The following AGRN variants were observed in gnomAD, a reference collection of about 807,000 sequenced individuals.
AGRN encodes agrin proteoglycan.
In AGRN, 106 loss-of-function variants were observed where a neutral mutation model predicts 211.0. The observed-to-expected ratio is 0.50, with a 90% CI of 0.43 to 0.59. The LOEUF (loss-of-function observed/expected upper bound fraction) is 0.59. AGRN is among the 20% of genes least tolerant of loss of function. AGRN has a pLI of 0.00. For missense variants in AGRN, 3,040 were observed against 2,982.6 expected, an observed-to-expected ratio of 1.02 and a Z score of -0.45; for synonymous variants, 1,525 against 1,332.5, an observed-to-expected ratio of 1.14 and a Z score of -3.15.
rs1645063506 is a variant in AGRN at position 1,045,434 on chromosome 1, C to T, written c.2447C>T (p.Pro816Leu). The stretch of plus-strand genomic sequence containing the variant: ...GCCACAGGCCAGTGCTCCTGCCGCC[C>T]AGGTGTGGGGGGCCTCAGGTGTGAC... Reference protein sequence around the residue: ...DPATGQCSCRPGVGGLRCDRC... With the variant: ...DPATGQCSCRLGVGGLRCDRC... Residue 816 changes from proline to leucine, a missense_variant, in exon 14 of 36, where the codon CCA becomes CTA. Coordinates refer to ENST00000379370, the MANE Select transcript of AGRN (RefSeq NM_198576.4). 1.2e-6 allele frequency: 2 copies of T among 1,612,438 alleles called. No homozygotes were observed. The highest frequency in any genetic ancestry group is 1.7e-6 in the Non-Finnish European group (2 of 1,179,768).
At chr1:1,030,410 G>C (rs1644637891) in intron 2 of AGRN, among the ~76,000 whole-genome samples, 1 of 101,436 alleles carries the variant, frequency 9.9e-6, no homozygotes, top group Non-Finnish European at 2.0e-5. Flanking sequence ...ATGGTGCTGT[G>C]AGATCAGCGT....
At chr1:1,051,157 G>C in intron 30 of AGRN, 96 bp from the exon 31 acceptor site, 2 of 783,858 alleles carry the variant, frequency 2.6e-6, no homozygotes, top group Non-Finnish European at 4.2e-6. Flanking sequence ...CCCTAGATAG[G>C]CAATGGGCGG....
intron 2 of AGRN, among the ~76,000 whole-genome samples, chr1:1,024,106 T>G: frequency 6.7e-6 from 1 of 149,936 alleles, no homozygotes; most frequent in Non-Finnish European, 1.5e-5. Context: ...GCATGAGGAG[T>G]GGGGGAGCCC....
rs1645084017 is a variant in AGRN at position 1,046,098 on chromosome 1, G to A, written c.2805+10G>A. On this transcript the variant is annotated intron_variant, in intron 16 of 35. Coordinates refer to ENST00000379370, the MANE Select transcript of AGRN (RefSeq NM_198576.4). Reference sequence around the variant, plus strand: ...GGCCAACGCTACCAAGGTGAGGGGTGTGGGATGTGAAGGGGAGTGGGGAGG... The same window carrying A: ...GGCCAACGCTACCAAGGTGAGGGGTATGGGATGTGAAGGGGAGTGGGGAGG... 2 of 1,614,028 alleles carry A rather than the reference G, an allele frequency of 1.2e-6. No individual in the cohort carries two copies. Among genetic ancestry groups the A allele is most frequent in the South Asian group, 1.1e-5 (1 of 91,092 alleles).
Position 1,045,477 on chromosome 1 carries a change from C to T in AGRN, c.2490C>T (p.Phe830=), listed in dbSNP as rs1460705544. The T allele has an allele frequency of 6.2e-7, 1 of 1,612,960 alleles. No individual in the cohort carries two copies. Among genetic ancestry groups the T allele is most frequent in the Non-Finnish European group, 8.5e-7 (1 of 1,179,966 alleles). ...GGTGTGACCGCTGTGAGCCTGGCTTCTGGAACTTTCGAGGCATCGTCACCG... is the reference window on the plus strand; with the variant it reads ...GGTGTGACCGCTGTGAGCCTGGCTTTTGGAACTTTCGAGGCATCGTCACCG... ...GLRCDRCEPG[F]WNFRGIVTDG... is the part of the protein sequence containing the mutation. The change falls in exon 14 of 36, where the codon TTC becomes TTT. Residue 830 remains phenylalanine, a synonymous_variant. Transcript: ENST00000379370.
intron 33 of AGRN, chr1:1,052,513 C>CGG: frequency 5.1e-6 from 1 of 194,290 alleles, no homozygotes; most frequent in African/African-American, 2.7e-5. Context: ...AGGTATGTGT[C>CGG]CGTGTGTGTG....
intron 2 of AGRN, chr1:1,034,119 C>G: frequency 1.0e-6 from 1 of 985,290 alleles, no homozygotes; most frequent in Non-Finnish European, 1.2e-6. Flanking sequence ...CCGCTCCTAT[C>G]GCCGCTTCCG....
chr1:1,053,376 C>G (rs1186752233), intron 33 of AGRN: 1 of 1,202,756 alleles, frequency 8.3e-7, no homozygotes, highest in Non-Finnish European at 1.1e-6. Context: ...GGTGCCTGCT[C>G]CTTGCACCCC....
intron 2 of AGRN, 41 bp downstream of exon 2, chr1:1,022,503 G>A (rs1644429085): frequency 6.3e-7 from 1 of 1,580,312 alleles, no homozygotes; most frequent in Admixed American, 1.7e-5. Context: ...GTGGGGGTCA[G>A]GGCAGTGGCC....
rs1645027428 is a variant in AGRN at position 1,044,192 on chromosome 1, G to A, written c.2083G>A (p.Asp695Asn). Residue 695 changes from aspartate (D) to asparagine (N), a missense_variant, in exon 11 of 36, where the codon GAC (aspartate) becomes AAC (asparagine). Coordinates refer to ENST00000379370, the MANE Select transcript of AGRN (RefSeq NM_198576.4). ...GTGCCGGCAGCGCGGTGGCATCTGG[G>A]ACGAGGACTCGGAGGACGGGCCGTG... is the stretch of plus-strand genomic sequence containing the variant. Reference protein sequence around the residue: ...ELCRQRGGIWDEDSEDGPCVC... With the variant: ...ELCRQRGGIWNEDSEDGPCVC... The A allele has an allele frequency of 6.2e-7, 1 of 1,613,220 alleles. No homozygotes were observed. Among genetic ancestry groups the A allele is most frequent in the Non-Finnish European group, 8.5e-7 (1 of 1,179,914 alleles).
chr1:1,051,934 C>T (rs1452368198), intron 33 of AGRN, 119 bp downstream of exon 33: 37 of 1,549,034 alleles, frequency 2.4e-5, no homozygotes, highest in African/African-American at 8.2e-5. Flanking sequence ...TCTGTCCTCC[C>T]GCCTCTCTCT....
At chr1:1,033,255 T>C (rs1043389706) in intron 2 of AGRN, among the ~76,000 whole-genome samples, 4 of 151,850 alleles carry the variant, frequency 2.6e-5, no homozygotes, top group African/African-American at 9.7e-5. Context: ...GCGAGGCGAT[T>C]TCTGGGCCGC....
chr1:1,051,807 G>T lies in AGRN; in HGVS notation c.5643G>T (p.Val1881=). The T allele has an allele frequency of 1.2e-6, 2 of 1,613,664 alleles. No homozygotes were observed. Among genetic ancestry groups the T allele is most frequent in the South Asian group, 2.2e-5 (2 of 91,068 alleles). ...CCTTTGTCGAGTACCTCAACGCTGT[G>T]ACCGAGAGGTAACGTGCCATCCTCT... is the stretch of plus-strand genomic sequence containing the variant. The part of the protein sequence containing the change: ...GRTFVEYLNA[V]TESEKALQSN... The change falls in exon 33 of 36, where the codon GTG becomes GTT. Residue 1881 remains valine (V), a synonymous_variant. Coordinates refer to ENST00000379370, the MANE Select transcript of AGRN (RefSeq NM_198576.4).
chr1:1,040,688 T>C lies in AGRN; in HGVS notation c.535T>C (p.Phe179Leu), dbSNP rs755778734. 9.0e-6 allele frequency: 14 copies of C among 1,547,476 alleles called. No homozygotes were observed. In the South Asian group the frequency reaches 1.4e-4, roughly 16 times the overall value. ...AGCGTGCCGGGGAATGCTGTGCGGCTTCGGCGCCGTGTGCGAGCCCAACGC... is the reference window on the plus strand; with the variant it reads ...AGCGTGCCGGGGAATGCTGTGCGGCCTCGGCGCCGTGTGCGAGCCCAACGC... ...PDACRGMLCG[F>L]GAVCEPNAEG... Residue 179 changes from phenylalanine to leucine, a missense_variant, in exon 4 of 36, where the codon TTC (phenylalanine) becomes CTC (leucine). Coordinates refer to ENST00000379370, the MANE Select transcript of AGRN (RefSeq NM_198576.4).
At position 1,046,532 on chromosome 1, in the gene AGRN, C is replaced by T. The variant is rs1187689546; in HGVS notation, c.3047C>T (p.Thr1016Ile). 4 of 1,610,312 alleles carry T rather than the reference C, an allele frequency of 2.5e-6. No homozygotes were observed. The highest frequency in any genetic ancestry group is 1.1e-5 in the South Asian group (1 of 91,002). The change falls in exon 18 of 36, where the codon ACC becomes ATC. Residue 1016 changes from threonine to isoleucine, a missense_variant. Physicochemically the swap from Thr to Ile is moderately conservative, Grantham distance 89. This residue lies in a region of AGRN where 1,537 missense variants were observed against 1,505.0 expected (regional missense o/e 1.02). Coordinates refer to ENST00000379370, the MANE Select transcript of AGRN (RefSeq NM_198576.4). ...LAPSSTAHSQ[T>I]TPPPSSRPRT... ...CCCAGCAGTACCGCACACAGCCAGA[C>T]CACCCCTCCGCCCTCATCACGACCT...
intron 33 of AGRN, chr1:1,053,335 G>A: frequency 1.1e-6 from 1 of 877,004 alleles, no homozygotes; most frequent in Non-Finnish European, 1.5e-6. Context: ...TGGGCGGCCA[G>A]TGATCCTCGA....
intron 7 of AGRN, among the ~76,000 whole-genome samples, chr1:1,042,628 C>T (rs539836141): frequency 5.9e-5 from 9 of 152,188 alleles, no homozygotes; most frequent in African/African-American, 1.7e-4. Flanking sequence ...GTCTTTCTCT[C>T]TGCGTCTGTC....
Position 1,055,102 on chromosome 1 carries a change from C to T in AGRN, c.*121C>T, listed in dbSNP as rs931708041. The T allele has an allele frequency of 2.4e-5, 35 of 1,458,532 alleles. No individual in the cohort carries two copies. In the East Asian group the frequency reaches 6.9e-4, roughly 29 times the overall value. The allele number at this position is 1,458,532 out of a possible 1,614,324, so 90.3% of individuals were successfully genotyped here. Reference sequence around the variant, plus strand: ...GGGACTGCTGGCCCGGCCTCCCTTCCGTCCAGGCAGCCGTGCTGCAGACAG... The same window carrying T: ...GGGACTGCTGGCCCGGCCTCCCTTCTGTCCAGGCAGCCGTGCTGCAGACAG... On this transcript the variant is annotated 3_prime_UTR_variant, in exon 36 of 36. Coordinates refer to ENST00000379370, the MANE Select transcript of AGRN (RefSeq NM_198576.4).
chr1:1,022,537 G>C, intron 2 of AGRN, 75 bp downstream of exon 2: 1 of 1,499,082 alleles, frequency 6.7e-7, no homozygotes, highest in Non-Finnish European at 9.0e-7. Context: ...TGCAGGGGTC[G>C]CTGTGCGGGG....
Sources: allele counts gnomAD v4.1 joint callset (sites outside exome capture counted in the v4.1 genomes callset), GRCh38; gene constraint gnomAD v4.1.1; regional missense constraint gnomAD v4.1.1; transcripts MANE v1.5; gene names NCBI Gene and HGNC (gene_info 2026-07-23, HGNC 2026-07-21).